The following SLC9A2 variants were observed in gnomAD, a reference collection of about 807,000 sequenced individuals.
SLC9A2 encodes sodium/hydrogen exchanger 2.
In SLC9A2, 42 loss-of-function variants were observed where a neutral mutation model predicts 71.7. That is an observed-to-expected ratio of 0.59 (90% confidence interval 0.46 to 0.76). The LOEUF is 0.76. Among genes scored for constraint, SLC9A2 ranks in the 30% least tolerant of loss-of-function variants. SLC9A2 has a pLI of 0.00. For synonymous variants in SLC9A2, 396 were observed against 392.5 expected (o/e 1.01, Z -0.10); for missense variants, 829 against 1,017.4 (o/e 0.81, Z 2.52).
chr2:102,656,308 G>A (rs1676941225), intron 1 of SLC9A2, among the ~76,000 whole-genome samples: 1 of 152,174 alleles, frequency 6.6e-6, no homozygotes, highest in Non-Finnish European at 1.5e-5. Flanking sequence ...CATGAATTAA[G>A]AGATGGATAT....
chr2:102,658,020 T>C lies in SLC9A2; in HGVS notation c.746T>C (p.Val249Ala). 1 of 1,601,170 alleles carries C rather than the reference T, an allele frequency of 6.2e-7. No homozygotes were observed. The highest frequency in any genetic ancestry group is 8.5e-7 in the Non-Finnish European group (1 of 1,173,174). The change falls in exon 2 of 12, where the codon GTA becomes GCA. Residue 249 changes from valine (V) to alanine (A), a missense_variant. Physicochemically the swap from Val to Ala is moderately conservative, Grantham distance 64 (BLOSUM62 0). Coordinates refer to ENST00000233969, the MANE Select transcript of SLC9A2 (RefSeq NM_003048.6). ...GGAGAGTCCCTGCTGAATGATGCAG[T>C]AACAGTGGTGAGTCACATTCACACT... is the stretch of plus-strand genomic sequence containing the variant. ...VFGESLLNDA[V>A]TVVLYNLFKS...
chr2:102,629,994 A>G (rs1381991298), intron 1 of SLC9A2, among the ~76,000 whole-genome samples: 2 of 152,122 alleles, frequency 1.3e-5, no homozygotes, highest in Non-Finnish European at 2.9e-5. Context: ...AAATTCCTAG[A>G]ACATGAAAGT....
rs960602811 is a variant in SLC9A2, at chr2:102,710,133, C to G, written c.*1644C>G. 2 of 152,716 alleles carry G rather than the reference C, an allele frequency of 1.3e-5. No homozygotes were observed. Among genetic ancestry groups the G allele is most frequent in the Admixed American group, 6.5e-5 (1 of 15,274 alleles). 9.5% of individuals were successfully genotyped at this position (152,716 alleles called of 1,614,324 possible). On this transcript the variant is annotated 3_prime_UTR_variant, in exon 12 of 12. Coordinates refer to ENST00000233969, the MANE Select transcript of SLC9A2 (RefSeq NM_003048.6). ...CACAAGGTACAAGTTCATAGGAGCA[C>G]AATTCCTTGATTCAGGGAAAGTAGC...
Position 102,657,861 on chromosome 2 carries a change from C to T in SLC9A2, c.587C>T (p.Ala196Val). 1 of 1,614,238 alleles carries T rather than the reference C, an allele frequency of 6.2e-7. No homozygotes were observed. The highest frequency in any genetic ancestry group is 8.5e-7 in the Non-Finnish European group (1 of 1,180,044). ...TTGTTTGGTATCTGCCAGATCGAAG[C>T]ATTCGGCCTCAGCGACATCACTTTG... The part of the protein sequence containing the change: ...VSLFGICQIE[A>V]FGLSDITLLQ... The change falls in exon 2 of 12, where the codon GCA becomes GTA. Residue 196 changes from alanine (A) to valine (V), a missense_variant. By Grantham distance (64) the Ala-to-Val change is moderately conservative (BLOSUM62 0). Transcript: ENST00000233969.
chr2:102,679,170 G>A (rs1250960029), intron 3 of SLC9A2, among the ~76,000 whole-genome samples: 2 of 152,092 alleles, frequency 1.3e-5, no homozygotes, highest in East Asian at 3.9e-4. Context: ...AGATACTAGG[G>A]TCTGTGGTAC....
At chr2:102,697,760 T>C (rs1677795363) in intron 7 of SLC9A2, among the ~76,000 whole-genome samples, 1 of 151,206 alleles carries the variant, frequency 6.6e-6, no homozygotes, top group Non-Finnish European at 1.5e-5. Context: ...TGATTGTTAA[T>C]GTTACTAAAA....
intron 1 of SLC9A2, among the ~76,000 whole-genome samples, chr2:102,633,677 G>C (rs551903668): frequency 6.6e-6 from 1 of 152,246 alleles, no homozygotes; most frequent in East Asian, 1.9e-4. Context: ...AGTAGTACCA[G>C]AGCCAGACCA....
chr2:102,619,597 C>A lies in SLC9A2; in HGVS notation c.-252C>A. ...TGGGCAGGCGGCCGGCGGCGGAGGGCGGCTGAGGGCTGCTGAGGGTACGCG... is the reference window on the plus strand; with the variant it reads ...TGGGCAGGCGGCCGGCGGCGGAGGGAGGCTGAGGGCTGCTGAGGGTACGCG... On this transcript the variant is annotated 5_prime_UTR_variant, in exon 1 of 12. Transcript: ENST00000233969. The surrounding 1 kb of genome is among the most constrained non-coding windows in gnomAD (Gnocchi z 4.3). 2.8e-6 allele frequency: 1 copy of A among 353,872 alleles called. No homozygotes were observed. 21.9% of individuals were successfully genotyped at this position (353,872 alleles called of 1,614,324 possible).
intron 1 of SLC9A2, among the ~76,000 whole-genome samples, chr2:102,644,856 G>A (rs554740676): frequency 2.0e-5 from 3 of 152,318 alleles, no homozygotes; most frequent in Admixed American, 6.5e-5. Context: ...GCGAGAAGGG[G>A]CAGCTGCAGG....
In SLC9A2 at chr2:102,621,030, G is replaced by A. The variant is rs184119429; in HGVS notation, c.289+893G>A. On this transcript the variant is annotated intron_variant, in intron 1 of 11. Transcript: ENST00000233969. ...AAATTAGCCGGGCGTGGTGGTGGGC[G>A]CCTGTAATCCCAGCTACTCGGGAGG... Among the ~76,000 whole-genome samples the A allele has an allele frequency of 1.2e-4, 18 of 152,162 alleles. No individual in the cohort carries two copies. In the East Asian group the frequency reaches 3.5e-3, roughly 29 times the overall value.
chr2:102,628,112 AAG>A (rs898304693), intron 1 of SLC9A2, among the ~76,000 whole-genome samples: 1 of 152,164 alleles, frequency 6.6e-6, no homozygotes, highest in African/African-American at 2.4e-5. Flanking sequence ...CTGTACACTT[AAG>A]ACTCTGTCAC....
intron 2 of SLC9A2, 91 bp downstream of exon 2, chr2:102,658,118 A>G: frequency 1.1e-6 from 1 of 938,252 alleles, no homozygotes. Context: ...CAGGGGCGAG[A>G]CCCTGCACAC....
chr2:102,685,827 G>A (rs1332097404), intron 5 of SLC9A2, among the ~76,000 whole-genome samples: 1 of 152,142 alleles, frequency 6.6e-6, no homozygotes, highest in Non-Finnish European at 1.5e-5. Context: ...GATATTATGA[G>A]TCTGGAGCTC....
At chr2:102,674,956 T>A (rs764540074) in intron 3 of SLC9A2, among the ~76,000 whole-genome samples, 17 of 152,194 alleles carry the variant, frequency 1.1e-4, no homozygotes, top group Non-Finnish European at 2.5e-4. Flanking sequence ...AAGTGAGATC[T>A]ACCCTGCCAG....
In SLC9A2 at chr2:102,683,479, G is replaced by A; in HGVS notation, c.1222+1G>A. On this transcript the variant is annotated splice_donor_variant, in intron 4 of 11. Coordinates refer to ENST00000233969, the MANE Select transcript of SLC9A2 (RefSeq NM_003048.6). LOFTEE classifies it high-confidence loss of function. ...TTCTGCCTCATGTGGCGAGCCCTGG[G>A]TAATGAGTGCTTGTTTGCTAACTGG... is the stretch of plus-strand genomic sequence containing the variant. The A allele has an allele frequency of 6.2e-7, 1 of 1,612,910 alleles. No homozygotes were observed. The highest frequency in any genetic ancestry group is 8.5e-7 in the Non-Finnish European group (1 of 1,178,890).
At position 102,682,791 on chromosome 2, in the gene SLC9A2, T is replaced by C. The variant is rs185309331; in HGVS notation, c.1005-470T>C. On this transcript the variant is annotated intron_variant, in intron 3 of 11. Coordinates refer to ENST00000233969, the MANE Select transcript of SLC9A2 (RefSeq NM_003048.6). ...TTATATGGCAGGGGGGCTACTAAGATGTGACAGGGAGAGAAGTCTAATGCA... is the reference window on the plus strand; with the variant it reads ...TTATATGGCAGGGGGGCTACTAAGACGTGACAGGGAGAGAAGTCTAATGCA... 2.5e-3 allele frequency among the ~76,000 whole-genome samples: 375 copies of C among 152,284 alleles called. 7 individuals carry two copies. Among genetic ancestry groups the C allele is most frequent in the African/African-American group, 8.5e-3 (354 of 41,562 alleles).
intron 1 of SLC9A2, among the ~76,000 whole-genome samples, chr2:102,648,045 A>G (rs1676760172): frequency 6.6e-6 from 1 of 152,214 alleles, no homozygotes; most frequent in South Asian, 2.1e-4. Context: ...ACAAAAAAAG[A>G]AAATTTCAGG....
chr2:102,704,578 A>T lies in SLC9A2; in HGVS notation c.1880A>T (p.Asp627Val). 1 of 1,613,456 alleles carries T rather than the reference A, an allele frequency of 6.2e-7. No homozygotes were observed. The highest frequency in any genetic ancestry group is 8.5e-7 in the Non-Finnish European group (1 of 1,179,560). The change falls in exon 10 of 12, where the codon GAC becomes GTC. Residue 627 changes from aspartate (D) to valine (V), a missense_variant. Coordinates refer to ENST00000233969, the MANE Select transcript of SLC9A2 (RefSeq NM_003048.6). ...LSYNRHSLTADTSERQAKEIL... is the reference protein window; with the variant it reads ...LSYNRHSLTAVTSERQAKEIL... ...TACAACAGACACAGTCTGACAGCCG[A>T]CACAAGTGAGAGACAAGCCAAGGAG...
intron 2 of SLC9A2, among the ~76,000 whole-genome samples, chr2:102,659,025 G>A (rs1418521459): frequency 1.3e-5 from 2 of 152,140 alleles, no homozygotes; most frequent in African/African-American, 4.8e-5. Flanking sequence ...ATTCAGATAA[G>A]AAAAGCGAGG....
Sources: gnomAD v4.1 joint callset for allele counts (sites outside exome capture counted in the v4.1 genomes callset) on GRCh38, gnomAD v4.1.1 for gene constraint, Gnocchi (gnomAD v3.1) non-coding constraint, MANE v1.5 for transcripts, NCBI Gene and HGNC (gene_info 2026-07-23, HGNC 2026-07-21) for gene names.